The following RUNX1 variants were observed in gnomAD, a reference collection of about 807,000 sequenced individuals.
The protein encoded by RUNX1 is RUNX family transcription factor 1.
RUNX1 carries 19 observed loss-of-function variants against 42.8 expected under a neutral mutation model. That is an observed-to-expected ratio of 0.44 (90% CI 0.31 to 0.65). The LOEUF (loss-of-function observed/expected upper bound fraction) is 0.65. Among genes scored for constraint, RUNX1 ranks in the 30% least tolerant of loss-of-function variants. The pLI is 0.07. For synonymous variants in RUNX1, 271 were observed against 289.4 expected (o/e 0.94, Z 0.64); for missense variants, 528 against 672.0 (o/e 0.79, Z 2.37).
chr21:34,951,754 T>C (rs1268954093), intron 2 of RUNX1, among the ~76,000 whole-genome samples: 7 of 152,074 alleles, frequency 4.6e-5, no homozygotes, highest in Non-Finnish European at 1.0e-4. Context: ...TGTGGAGAAA[T>C]AGGAAAGCTT....
At chr21:35,031,897 T>C (rs1234643109) in intron 2 of RUNX1, among the ~76,000 whole-genome samples, 1 of 152,234 alleles carries the variant, frequency 6.6e-6, no homozygotes, top group Non-Finnish European at 1.5e-5. Context: ...AAAGAAGTTA[T>C]TTATTTTGGT....
chr21:34,919,293 G>A (rs1384010848), intron 2 of RUNX1, among the ~76,000 whole-genome samples: 1 of 152,192 alleles, frequency 6.6e-6, no homozygotes, highest in Non-Finnish European at 1.5e-5. Flanking sequence ...TGATGACCAT[G>A]GAGAGAAGGG....
At chr21:34,927,555 T>C (rs1430391435) in intron 2 of RUNX1, among the ~76,000 whole-genome samples, 1 of 152,198 alleles carries the variant, frequency 6.6e-6, no homozygotes, top group African/African-American at 2.4e-5. Context: ...CCTGAGCCTT[T>C]TCCTTTGACT....
intron 5 of RUNX1, among the ~76,000 whole-genome samples, chr21:34,866,425 T>C (rs1410856354): frequency 6.6e-6 from 1 of 152,240 alleles, no homozygotes; most frequent in African/African-American, 2.4e-5. Context: ...GATTTCTCCT[T>C]TTACAATAGA....
intron 2 of RUNX1, among the ~76,000 whole-genome samples, chr21:35,002,957 T>C (rs2059057588): frequency 6.6e-6 from 1 of 152,184 alleles, no homozygotes; most frequent in Non-Finnish European, 1.5e-5. Context: ...TGATTACTAA[T>C]GGGATTTTCG....
intron 2 of RUNX1, among the ~76,000 whole-genome samples, chr21:34,931,832 A>T (rs568296715): frequency 6.6e-6 from 1 of 152,010 alleles, no homozygotes; most frequent in African/African-American, 2.4e-5. Flanking sequence ...TGGAGGGGAC[A>T]GTGGGAGATA....
At chr21:34,939,844 G>T (rs2058513575) in intron 2 of RUNX1, among the ~76,000 whole-genome samples, 1 of 152,028 alleles carries the variant, frequency 6.6e-6, no homozygotes, top group South Asian at 2.1e-4. Context: ...TTGTTTCCAG[G>T]TTTTTTTATT....
intron 2 of RUNX1, among the ~76,000 whole-genome samples, chr21:34,948,894 C>A (rs765944432): frequency 6.6e-6 from 1 of 152,054 alleles, no homozygotes. Context: ...TACAGGAGCC[C>A]GCCACTGTGC....
chr21:34,888,271 G>A, intron 3 of RUNX1: 2 of 1,067,456 alleles, frequency 1.9e-6, no homozygotes, highest in Non-Finnish European at 2.3e-6. Context: ...GGCCTTGAGG[G>A]AGGGCTCCGC....
chr21:34,925,756 G>C (rs1164198951), intron 2 of RUNX1, among the ~76,000 whole-genome samples: 1 of 152,196 alleles, frequency 6.6e-6, no homozygotes, highest in African/African-American at 2.4e-5. Context: ...AAGATCCTTA[G>C]AGGTAGAAAA....
intron 2 of RUNX1, among the ~76,000 whole-genome samples, chr21:35,032,499 G>A (rs533366148): frequency 1.6e-3 from 248 of 152,188 alleles, no homozygotes; most frequent in Non-Finnish European, 3.0e-3. Context: ...AATGGGAAAC[G>A]GACCAGACTT....
chr21:34,889,940 C>T, intron 3 of RUNX1: 1 of 863,990 alleles, frequency 1.2e-6, no homozygotes, highest in South Asian at 5.1e-5. Flanking sequence ...CCCGTTCCAC[C>T]GCGGGCTGCT....
chr21:34,887,259 G>GGGGGGGGGGGGGT, intron 3 of RUNX1, 163 bp from the exon 4 acceptor site: 1 of 1,316,206 alleles, frequency 7.6e-7, no homozygotes. Context: ...GGGCGGGGGT[G>GGGGGGGGGGGGGT]GTTAGGGGAG....
intron 2 of RUNX1, among the ~76,000 whole-genome samples, chr21:34,989,111 C>T (rs1038626978): frequency 6.6e-6 from 1 of 152,002 alleles, no homozygotes; most frequent in Non-Finnish European, 1.5e-5. Flanking sequence ...CACGTTCAAG[C>T]GATTCTCCTG....
intron 2 of RUNX1, among the ~76,000 whole-genome samples, chr21:34,900,264 C>T (rs138331709): frequency 6.9e-4 from 105 of 152,206 alleles, no homozygotes; most frequent in Middle Eastern, 3.4e-3. Context: ...ACATTTATAG[C>T]GCATCTCAAT....
intron 2 of RUNX1, among the ~76,000 whole-genome samples, chr21:34,918,132 A>G (rs1296292913): frequency 2.0e-5 from 3 of 150,168 alleles, no homozygotes; most frequent in Non-Finnish European, 4.5e-5. Context: ...TGTCTCAAAA[A>G]AAAAAAAAAA....
chr21:34,959,077 C>A, intron 2 of RUNX1, among the ~76,000 whole-genome samples: 1 of 151,638 alleles, frequency 6.6e-6, no homozygotes, highest in Non-Finnish European at 1.5e-5. Flanking sequence ...GGAGGGATAG[C>A]ATTAGGAGAT....
At position 34,927,382 on chromosome 21, in the gene RUNX1, T is replaced by G. The variant is rs548920326; in HGVS notation, c.59-34419A>C. On this transcript the variant is annotated intron_variant, in intron 2 of 8. Coordinates refer to ENST00000675419, the MANE Select transcript of RUNX1 (RefSeq NM_001754.5). ...GGCAAGCTGATGTTCATTTGTGAAT[T>G]GGATTTCTCATTTGCGGACTCTTAT... Among the ~76,000 whole-genome samples the G allele has an allele frequency of 3.7e-4, 57 of 152,206 alleles. 1 individual carries two copies. The highest frequency in any genetic ancestry group is 6.8e-3 in the Middle Eastern group (2 of 294).
At chr21:34,803,850 T>C (rs774520735) in intron 7 of RUNX1, among the ~76,000 whole-genome samples, 1 of 152,204 alleles carries the variant, frequency 6.6e-6, no homozygotes, top group Non-Finnish European at 1.5e-5. Context: ...AATGCTTTTA[T>C]CTTTTGATGC....
Sources: gnomAD v4.1 joint callset for allele counts (sites outside exome capture counted in the v4.1 genomes callset) on GRCh38, gnomAD v4.1.1 for gene constraint, MANE v1.5 for transcripts, NCBI Gene and HGNC (gene_info 2026-07-23, HGNC 2026-07-21) for gene names.